The following SPMIP3 variants were observed in gnomAD, a reference collection of about 807,000 sequenced individuals.
The protein encoded by SPMIP3 is protein SPMIP3.
the SPMIP3 span, among the ~76,000 whole-genome samples, chr1:244,387,395 T>C: frequency 6.6e-6 from 1 of 152,272 alleles, no homozygotes; most frequent in Admixed American, 6.5e-5. Flanking sequence ...TTTGAACCCT[T>C]ATTTTTAGAT....
At chr1:244,379,208 T>A in the SPMIP3 span, among the ~76,000 whole-genome samples, 2 of 150,854 alleles carry the variant, frequency 1.3e-5, no homozygotes, top group African/African-American at 4.9e-5. Flanking sequence ...GATTACAGGC[T>A]TGAGCCACTG....
At chr1:244,357,586 G>A in the SPMIP3 span, among the ~76,000 whole-genome samples, 2 of 151,772 alleles carry the variant, frequency 1.3e-5, no homozygotes, top group South Asian at 2.1e-4. Flanking sequence ...GAGCACGCCT[G>A]TAATCCCAGT....
chr1:244,380,366 C>T, the SPMIP3 span, among the ~76,000 whole-genome samples: 2 of 152,122 alleles, frequency 1.3e-5, no homozygotes, highest in African/African-American at 4.8e-5. Flanking sequence ...GTGATCCACC[C>T]ACCTTGGCCT....
At chr1:244,373,350 G>A in the SPMIP3 span, among the ~76,000 whole-genome samples, 47 of 34,852 alleles carry the variant, frequency 1.3e-3, no homozygotes, top group Non-Finnish European at 2.2e-3. Flanking sequence ...ATATATATAT[G>A]CATGCCAGGC....
chr1:244,374,585 CTCTTTT>C, the SPMIP3 span, among the ~76,000 whole-genome samples: 1 of 127,298 alleles, frequency 7.9e-6, no homozygotes, highest in Non-Finnish European at 1.6e-5. Flanking sequence ...TCCCACATTT[CTCTTTT>C]TTTTTTTTTT....
the SPMIP3 span, chr1:244,389,112 C>T: frequency 1.4e-6 from 2 of 1,429,518 alleles, no homozygotes; most frequent in South Asian, 1.2e-5. Context: ...TCTTAGGTGG[C>T]CCTTTTAGAC....
the SPMIP3 span, among the ~76,000 whole-genome samples, chr1:244,383,626 C>T: frequency 6.6e-6 from 1 of 152,086 alleles, no homozygotes; most frequent in Non-Finnish European, 1.5e-5. Context: ...AATGATGAGC[C>T]AAGAGCTGAA....
chr1:244,373,825 T>C, the SPMIP3 span, among the ~76,000 whole-genome samples: 17 of 151,942 alleles, frequency 1.1e-4, 1 homozygote, highest in African/African-American at 4.1e-4. Context: ...AAATGAGACA[T>C]ATTTCTGGCC....
the SPMIP3 span, among the ~76,000 whole-genome samples, chr1:244,378,073 C>T: frequency 6.6e-6 from 1 of 152,162 alleles, no homozygotes; most frequent in Non-Finnish European, 1.5e-5. Context: ...TCCAAAAATG[C>T]TGGGATTACA....
At chr1:244,365,325 CCTGGTGGGAGGTA>C in the SPMIP3 span, among the ~76,000 whole-genome samples, 2 of 152,246 alleles carry the variant, frequency 1.3e-5, no homozygotes, top group Admixed American at 1.3e-4. Flanking sequence ...GTGGGAGGGA[CCTGGTGGGAGGTA>C]ACTGAACCAT....
chr1:244,378,522 T>C, the SPMIP3 span: 1 of 1,613,934 alleles, frequency 6.2e-7, no homozygotes, highest in Admixed American at 1.7e-5. Context: ...TCAGCCTCAA[T>C]TAGACCAACA....
the SPMIP3 span, among the ~76,000 whole-genome samples, chr1:244,373,225 T>C: frequency 4.0e-5 from 6 of 150,702 alleles, no homozygotes; most frequent in Non-Finnish European, 7.4e-5. Context: ...TTAAAAAAAA[T>C]GGTTTTCCAC....
At chr1:244,372,271 C>T in the SPMIP3 span, among the ~76,000 whole-genome samples, 1 of 152,136 alleles carries the variant, frequency 6.6e-6, no homozygotes, top group Non-Finnish European at 1.5e-5. Flanking sequence ...AGCGCTGCTT[C>T]TTAGTCAGCT....
the SPMIP3 span, among the ~76,000 whole-genome samples, chr1:244,361,347 G>A: frequency 6.8e-6 from 1 of 147,844 alleles, no homozygotes; most frequent in Non-Finnish European, 1.5e-5. Flanking sequence ...TCCTGCCTCA[G>A]CCTCCCAAGC....
At chr1:244,369,795 C>T in the SPMIP3 span, among the ~76,000 whole-genome samples, 4 of 142,768 alleles carry the variant, frequency 2.8e-5, no homozygotes, top group East Asian at 3.3e-4. Context: ...TTGCATGGCA[C>T]GTGAAGAAGC....
the SPMIP3 span, among the ~76,000 whole-genome samples, chr1:244,358,057 T>C: frequency 1.3e-5 from 2 of 151,478 alleles, no homozygotes; most frequent in East Asian, 2.0e-4. Flanking sequence ...ACCCCATCTC[T>C]ACTAAAAACG....
At chr1:244,388,779 A>G in the SPMIP3 span, among the ~76,000 whole-genome samples, 1 of 152,180 alleles carries the variant, frequency 6.6e-6, no homozygotes, top group Admixed American at 6.5e-5. Context: ...CAGAGACTGA[A>G]CCAAAGAAAC....
chr1:244,359,723 CA>C, the SPMIP3 span, among the ~76,000 whole-genome samples: 1 of 150,108 alleles, frequency 6.7e-6, no homozygotes, highest in East Asian at 2.0e-4. Context: ...AACTCCACCT[CA>C]AAAAAATTAA....
the SPMIP3 span, among the ~76,000 whole-genome samples, chr1:244,379,247 A>C: frequency 9.7e-3 from 1,430 of 148,112 alleles, 20 homozygotes; most frequent in African/African-American, 0.033. Context: ...TTTTTTTTAA[A>C]TTAGAGACAT....
Sources: allele counts gnomAD v4.1 joint callset (sites outside exome capture counted in the v4.1 genomes callset), GRCh38; gene constraint gnomAD v4.1.1; transcripts MANE v1.5; gene names NCBI Gene and HGNC (gene_info 2026-07-23, HGNC 2026-07-21).